HOOK3: variants seen among roughly 807,000 people sequenced by gnomAD.
HOOK3 encodes hook microtubule tethering protein 3, also known as protein Hook homolog 3.
HOOK3 carries 24 observed loss-of-function variants against 116.3 expected under a neutral mutation model. The ratio of observed to expected loss-of-function variants is 0.21; its 90% CI spans 0.15 to 0.29. The LOEUF (loss-of-function observed/expected upper bound fraction) is 0.29. Among genes scored for constraint, HOOK3 ranks in the 10% least tolerant of loss-of-function variants. HOOK3 has a pLI of 1.00. For synonymous variants in HOOK3, 275 were observed against 283.0 expected (o/e 0.97, Z 0.28); for missense variants, 632 against 830.2 (o/e 0.76, Z 2.93).
chr8:42,973,226 G>C, intron 11 of HOOK3, 63 bp from the exon 12 acceptor site: 1 of 1,527,314 alleles, frequency 6.5e-7, no homozygotes, highest in South Asian at 1.3e-5. Context: ...ACCTGTAGAA[G>C]AAAATAAGGA....
At chr8:42,965,732 G>T (rs1015859286) in intron 9 of HOOK3, among the ~76,000 whole-genome samples, 1 of 151,554 alleles carries the variant, frequency 6.6e-6, no homozygotes, top group Non-Finnish European at 1.5e-5. Context: ...TCAGTGAAAT[G>T]TTTCTGGATT....
intron 10 of HOOK3, among the ~76,000 whole-genome samples, chr8:42,967,036 C>G (rs1313745103): frequency 6.6e-6 from 1 of 151,996 alleles, no homozygotes; most frequent in East Asian, 1.9e-4. Context: ...ATTTTTTCAC[C>G]CCTCTGCTTG....
chr8:42,962,402 C>G (rs1425115014), intron 8 of HOOK3, among the ~76,000 whole-genome samples: 1 of 148,704 alleles, frequency 6.7e-6, no homozygotes, highest in Non-Finnish European at 1.5e-5. Flanking sequence ...GCACCTGGCC[C>G]GTGTGTTTTT....
In HOOK3 at chr8:42,953,454, C is replaced by T. The variant is rs1357135421; in HGVS notation, c.468+2999C>T. Among the ~76,000 whole-genome samples, 3 of 151,506 alleles carry T rather than the reference C, an allele frequency of 2.0e-5. No homozygotes were observed. In the Middle Eastern group the frequency reaches 0.01, roughly 515 times the overall value. On this transcript the variant is annotated intron_variant, in intron 6 of 21. Transcript: ENST00000307602. ...TGGCACGTACCTGTAATCCCAGCTA[C>T]TTGGGTGGCTGAGGCAGGAGAATGG...
intron 4 of HOOK3, among the ~76,000 whole-genome samples, chr8:42,941,939 A>G (rs1406807131): frequency 6.6e-6 from 1 of 152,182 alleles, no homozygotes; most frequent in Non-Finnish European, 1.5e-5. Flanking sequence ...GACTTAGCAT[A>G]GAGGGCTTCT....
rs1264879091 is a variant in HOOK3 at position 43,000,931 on chromosome 8, T to G, written c.1621-1176T>G. The G allele has an allele frequency of 3.3e-5, 5 of 152,236 alleles. No homozygotes were observed. In the East Asian group the frequency reaches 7.7e-4, roughly 24 times the overall value. The allele number at this position is 152,236 out of a possible 1,614,324, so 9.4% of individuals were successfully genotyped here. A position where few individuals can be genotyped will look rare whatever the true frequency, so the allele number is the denominator to read the frequency against. On this transcript the variant is annotated intron_variant, in intron 16 of 21. Transcript: ENST00000307602. Reference sequence around the variant, plus strand: ...TAAAGTTTCTAAAATGTATTTACATTTTACCCCTGTGCTAAAGAAGGAATG... The same window carrying G: ...TAAAGTTTCTAAAATGTATTTACATGTTACCCCTGTGCTAAAGAAGGAATG...
intron 18 of HOOK3, 118 bp downstream of exon 18, chr8:43,008,047 G>C: frequency 1.2e-4 from 49 of 396,814 alleles, no homozygotes; most frequent in Non-Finnish European, 1.6e-4. Flanking sequence ...TTGAGATGAA[G>C]TCTCACTCTC....
At chr8:42,902,276 C>T (rs1361643124) in intron 1 of HOOK3, among the ~76,000 whole-genome samples, 10 of 143,736 alleles carry the variant, frequency 7.0e-5, no homozygotes, top group Non-Finnish European at 1.2e-4. Flanking sequence ...CTCTCTCTCT[C>T]TTTTTTTTTT....
chr8:43,012,902 G>A (rs142142749), intron 19 of HOOK3, 149 bp from the exon 20 acceptor site: 56 of 533,690 alleles, frequency 1.0e-4, no homozygotes, highest in Non-Finnish European at 1.4e-4. Context: ...ACTCCAGGCC[G>A]CATTTACTTT....
chr8:42,961,873 G>A (rs887411710), intron 8 of HOOK3, among the ~76,000 whole-genome samples: 8 of 151,938 alleles, frequency 5.3e-5, no homozygotes, highest in Non-Finnish European at 1.0e-4. Context: ...TGCAACCTCC[G>A]CCTCCTGGGC....
At position 42,950,474 on chromosome 8, in the gene HOOK3, C is replaced by CT; in HGVS notation, c.468+21dup. On this transcript the variant is annotated intron_variant, in intron 6 of 21. Transcript: ENST00000307602. The stretch of plus-strand genomic sequence containing the variant: ...TCAAGAGGTATGTTGGAGCTTCATG[C>CT]TTATAGTTTATGAAAAATTAAAGGA... 2 of 1,558,828 alleles carry CT rather than the reference C, an allele frequency of 1.3e-6. No homozygotes were observed. Among genetic ancestry groups the CT allele is most frequent in the East Asian group, 2.3e-5 (1 of 44,430 alleles).
At chr8:42,959,183 ATTG>A in intron 7 of HOOK3, 45 bp from the exon 8 acceptor site, 1 of 1,237,644 alleles carries the variant, frequency 8.1e-7, no homozygotes, top group African/African-American at 1.5e-5. Flanking sequence ...CGAATTATTA[ATTG>A]TTACCACTTC....
At chr8:43,007,382 A>G (rs181515396) in intron 17 of HOOK3, among the ~76,000 whole-genome samples, 88 of 152,254 alleles carry the variant, frequency 5.8e-4, no homozygotes, top group African/African-American at 1.9e-3. Flanking sequence ...TTTTAACATC[A>G]GTGTACGTAA....
chr8:42,996,255 G>A (rs1809264242), intron 15 of HOOK3, among the ~76,000 whole-genome samples: 1 of 151,912 alleles, frequency 6.6e-6, no homozygotes, highest in Non-Finnish European at 1.5e-5. Context: ...GCATGGTGGT[G>A]CGCATCTGTA....
chr8:43,003,255 A>G (rs187756342), intron 17 of HOOK3, among the ~76,000 whole-genome samples: 37 of 152,342 alleles, frequency 2.4e-4, no homozygotes, highest in Admixed American at 1.8e-3. Context: ...AATTTGCCTC[A>G]TGCTATCCAG....
At chr8:42,960,144 T>C (rs964717148) in intron 8 of HOOK3, among the ~76,000 whole-genome samples, 1 of 152,248 alleles carries the variant, frequency 6.6e-6, no homozygotes, top group African/African-American at 2.4e-5. Context: ...AAGCAGAATA[T>C]AAGTATCTTT....
intron 4 of HOOK3, among the ~76,000 whole-genome samples, chr8:42,940,327 C>T (rs998547866): frequency 1.1e-4 from 17 of 152,362 alleles, no homozygotes; most frequent in South Asian, 2.1e-4. Flanking sequence ...CAAAAAAACA[C>T]GAAAACCAGT....
chr8:43,030,027 A>G lies in HOOK3; in HGVS notation c.*11529A>G, dbSNP rs1044515786. On this transcript the variant is annotated 3_prime_UTR_variant, in exon 22 of 22. Coordinates refer to ENST00000307602, the MANE Select transcript of HOOK3 (RefSeq NM_032410.4). Reference sequence around the variant, plus strand: ...CAGAATTTCATTCTTTGTCATTATAATCCAAAAACAATGTCCACATCAGAC... The same window carrying G: ...CAGAATTTCATTCTTTGTCATTATAGTCCAAAAACAATGTCCACATCAGAC... 3 of 213,050 alleles carry G rather than the reference A, an allele frequency of 1.4e-5. No homozygotes were observed. The South Asian group carries it at 5.6e-4, about 40-fold the overall frequency. 13.2% of individuals were successfully genotyped at this position (213,050 alleles called of 1,614,324 possible). A position where few individuals can be genotyped will look rare whatever the true frequency, so the allele number is the denominator to read the frequency against.
At chr8:42,978,587 T>A (rs1487225635) in intron 13 of HOOK3, among the ~76,000 whole-genome samples, 1 of 151,894 alleles carries the variant, frequency 6.6e-6, no homozygotes, top group Non-Finnish European at 1.5e-5. Flanking sequence ...GTTTTTGTAT[T>A]TTTTTTAGTA....
Sources: allele counts gnomAD v4.1 joint callset (sites outside exome capture counted in the v4.1 genomes callset), GRCh38; gene constraint gnomAD v4.1.1; transcripts MANE v1.5; gene names NCBI Gene and HGNC (gene_info 2026-07-23, HGNC 2026-07-21).